DDX39A: variants seen among roughly 807,000 people sequenced by gnomAD.
The protein encoded by DDX39A is DExD-box helicase 39A, also known as ATP-dependent RNA helicase DDX39A.
A neutral mutation model predicts 46.3 loss-of-function variants in DDX39A; 13 were observed. The ratio of observed to expected loss-of-function variants is 0.28; its 90% CI spans 0.18 to 0.45. The LOEUF is 0.45. Ranked by LOEUF, DDX39A falls within the 20% of genes least tolerant of loss-of-function variation. The pLI is 1.00. For missense variants in DDX39A, 352 were observed against 581.8 expected (o/e 0.61, Z 4.06); for synonymous variants, 234 against 224.6 (o/e 1.04, Z -0.38).
At position 14,413,147 on chromosome 19, in the gene DDX39A, C is replaced by T; in HGVS notation, c.74G>A (p.Ser25Asn). Residue 25 changes from serine (S) to asparagine (N), a missense_variant, in exon 2 of 11, where the codon AGC (serine) becomes AAC (asparagine). Coordinates refer to ENST00000242776, the MANE Select transcript of DDX39A (RefSeq NM_005804.4). Reference sequence around the variant, plus strand: ...GTCTTTCTTAGGGGGAGCTGGTGTGCTCTCTTGAGGAGCCTGGGGCTCTTC... The same window carrying T: ...GTCTTTCTTAGGGGGAGCTGGTGTGTTCTCTTGAGGAGCCTGGGGCTCTTC... ...EEEEPQAPQE[S>N]TPAPPKKDIK... The T allele has an allele frequency of 6.2e-7, 1 of 1,614,110 alleles. No homozygotes were observed. The highest frequency in any genetic ancestry group is 8.5e-7 in the Non-Finnish European group (1 of 1,179,994).
Position 14,409,948 on chromosome 19 carries a change from G to GGGC in DDX39A, c.733-78_733-76dup. ...TCTCGCCTGCCCAGAACCTTCCAGTGGGCGACTCCTTTGTGCGACACTTCC... is the reference window on the plus strand; with the variant it reads ...TCTCGCCTGCCCAGAACCTTCCAGTGGGCGGCGACTCCTTTGTGCGACACTTCC... On this transcript the variant is annotated intron_variant, in intron 6 of 10. Transcript: ENST00000242776. The surrounding 1 kb of genome is among the most constrained non-coding windows in gnomAD (Gnocchi z 8.3). 6.4e-7 allele frequency: 1 copy of GGGC among 1,570,568 alleles called. No homozygotes were observed. The highest frequency in any genetic ancestry group is 8.7e-7 in the Non-Finnish European group (1 of 1,147,670).
Position 14,411,006 on chromosome 19 carries a change from T to C in DDX39A, c.596A>G (p.Lys199Arg), listed in dbSNP as rs745797080. The change falls in exon 5 of 11, where the codon AAG becomes AGG. Residue 199 changes from lysine to arginine, a missense_variant. Lys to Arg is a conservative substitution (Grantham distance 26). Around this residue, in one of 3 missense-constraint regions of DDX39A, gnomAD observed 301 missense variants for 469.9 expected, o/e 0.64. Transcript: ENST00000242776. This position sits in a 1 kb window ranked among gnomAD's most constrained non-coding sequence, Gnocchi z 4.1. ...VKHFVLDECDKMLEQLDMRRD... is the reference protein window; with the variant it reads ...VKHFVLDECDRMLEQLDMRRD... The stretch of plus-strand genomic sequence containing the variant: ...GGACTCACCCAGCTGCTCCAGCATC[T>C]TGTCACACTCGTCCAGCACAAAGTG... The C allele has an allele frequency of 2.5e-6, 4 of 1,582,996 alleles. No individual in the cohort carries two copies. Among genetic ancestry groups the C allele is most frequent in the South Asian group, 2.3e-5 (2 of 87,974 alleles).
chr19:14,414,325 T>TTTATTATTA lies in DDX39A; in HGVS notation c.-4-1110_-4-1102dup, dbSNP rs376558858. 7.3e-3 allele frequency among the ~76,000 whole-genome samples: 973 copies of TTTATTATTA among 133,508 alleles called. 12 individuals carry two copies. Among genetic ancestry groups the TTTATTATTA allele is most frequent in the Middle Eastern group, 0.015 (4 of 264 alleles). 87.6% of individuals were successfully genotyped at this position (133,508 alleles called of 152,430 possible). A position where few individuals can be genotyped will look rare whatever the true frequency, so the allele number is the denominator to read the frequency against. ...CTGGCCCCAAGCTGCTATCACCTGT[T>TTTATTATTA]TTATTATTATTATTATTATTATTAT... On this transcript the variant is annotated intron_variant, in intron 1 of 10. Coordinates refer to ENST00000242776, the MANE Select transcript of DDX39A (RefSeq NM_005804.4).
Position 14,411,065 on chromosome 19 carries a change from C to T in DDX39A, c.537G>A (p.Val179=). Residue 179 remains valine, a synonymous_variant, in exon 5 of 11, where the codon GTG becomes GTA. Coordinates refer to ENST00000242776, the MANE Select transcript of DDX39A (RefSeq NM_005804.4). The surrounding 1 kb of genome is among the most constrained non-coding windows in gnomAD (Gnocchi z 4.1). Reference sequence around the variant, plus strand: ...TCTTTAGGCTGAAGCTCCTATTCCGCACGAGCGCCAGGATGCGGCCCGGGG... The same window carrying T: ...TCTTTAGGCTGAAGCTCCTATTCCGTACGAGCGCCAGGATGCGGCCCGGGG... ...VGTPGRILAL[V]RNRSFSLKNV... 6.2e-7 allele frequency: 1 copy of T among 1,612,970 alleles called. No individual in the cohort carries two copies. The highest frequency in any genetic ancestry group is 8.5e-7 in the Non-Finnish European group (1 of 1,179,510).
In DDX39A at chr19:14,413,139, C is replaced by T. The variant is rs11545011; in HGVS notation, c.82G>A (p.Ala28Thr). 6.2e-7 allele frequency: 1 copy of T among 1,614,128 alleles called. No individual in the cohort carries two copies. The highest frequency in any genetic ancestry group is 8.5e-7 in the Non-Finnish European group (1 of 1,180,006). ...CCCTTGATGTCTTTCTTAGGGGGAG[C>T]TGGTGTGCTCTCTTGAGGAGCCTGG... ...EPQAPQESTP[A>T]PPKKDIKGSY... Residue 28 changes from alanine to threonine, a missense_variant, in exon 2 of 11, where the codon GCT becomes ACT. This residue lies in a region of DDX39A where 46 missense variants were observed against 78.2 expected (regional missense o/e 0.59). Transcript: ENST00000242776.
chr19:14,417,958 C>A (rs1976878967), intron 1 of DDX39A, among the ~76,000 whole-genome samples: 1 of 151,862 alleles, frequency 6.6e-6, no homozygotes, highest in South Asian at 2.1e-4. Flanking sequence ...CACTTGAAGT[C>A]GGGAATTAGA....
At chr19:14,414,504 C>T (rs1386203165) in intron 1 of DDX39A, among the ~76,000 whole-genome samples, 1 of 149,988 alleles carries the variant, frequency 6.7e-6, no homozygotes, top group African/African-American at 2.4e-5. Context: ...GTGCTTGCCA[C>T]CATGCCCAGC....
chr19:14,418,833 A>C (rs1381353299), intron 1 of DDX39A: 3 of 440,930 alleles, frequency 6.8e-6, no homozygotes, highest in Non-Finnish European at 1.4e-5. Flanking sequence ...AGAAGAAGGT[A>C]GACTGGGAAA....
rs1976542663 is a variant in DDX39A, at chr19:14,410,577, G to A, written c.614-243C>T. ...TGGCGCGGAGCAGCCGTGCCCGTGCGCCTCGAGCCACGCTTCAGGGAGGGG... is the reference window on the plus strand; with the variant it reads ...TGGCGCGGAGCAGCCGTGCCCGTGCACCTCGAGCCACGCTTCAGGGAGGGG... On this transcript the variant is annotated intron_variant, in intron 5 of 10. Transcript: ENST00000242776. This position sits in a 1 kb window ranked among gnomAD's most constrained non-coding sequence, Gnocchi z 4.3. 3.7e-6 allele frequency: 2 copies of A among 545,304 alleles called. No homozygotes were observed. The highest frequency in any genetic ancestry group is 2.0e-5 in the South Asian group (1 of 49,748). The allele number at this position is 545,304 out of a possible 1,614,324, so 33.8% of individuals were successfully genotyped here.
At chr19:14,417,428 C>G (rs1216774460) in intron 1 of DDX39A, among the ~76,000 whole-genome samples, 2 of 137,474 alleles carry the variant, frequency 1.5e-5, no homozygotes, top group East Asian at 2.2e-4. Context: ...CGAGACCAAC[C>G]TGGACAATAA....
At position 14,411,256 on chromosome 19, in the gene DDX39A, G is replaced by A; in HGVS notation, c.430-84C>T. 6.9e-7 allele frequency: 1 copy of A among 1,459,802 alleles called. No individual in the cohort carries two copies. The highest frequency in any genetic ancestry group is 9.2e-7 in the Non-Finnish European group (1 of 1,090,124). 90.4% of individuals were successfully genotyped at this position (1,459,802 alleles called of 1,614,324 possible). A position where few individuals can be genotyped will look rare whatever the true frequency, so the allele number is the denominator to read the frequency against. ...CACGGCCCAGCACCTGCGAACAGGA[G>A]GCCTCAGGGGACCAAGGCAGGCCTG... On this transcript the variant is annotated intron_variant, in intron 4 of 10. Coordinates refer to ENST00000242776, the MANE Select transcript of DDX39A (RefSeq NM_005804.4). The surrounding 1 kb of genome is among the most constrained non-coding windows in gnomAD (Gnocchi z 4.1).
In DDX39A at chr19:14,412,732, G is replaced by T. The variant is rs779521045; in HGVS notation, c.209-54C>A. 5 of 1,554,762 alleles carry T rather than the reference G, an allele frequency of 3.2e-6. No homozygotes were observed. Among genetic ancestry groups the T allele is most frequent in the Middle Eastern group, 3.4e-4 (2 of 5,862 alleles). ...AGAACCTGGATGCACCCCCGTGCAG[G>T]ATCCTCACCAGTTGACCGGGGGCCC... is the stretch of plus-strand genomic sequence containing the variant. On this transcript the variant is annotated intron_variant, in intron 2 of 10. Coordinates refer to ENST00000242776, the MANE Select transcript of DDX39A (RefSeq NM_005804.4). This position sits in a 1 kb window ranked among gnomAD's most constrained non-coding sequence, Gnocchi z 4.4.
At position 14,410,808 on chromosome 19, in the gene DDX39A, T is replaced by G. The variant is rs1290743118; in HGVS notation, c.613+181A>C. 13 of 595,160 alleles carry G rather than the reference T, an allele frequency of 2.2e-5. No individual in the cohort carries two copies. The highest frequency in any genetic ancestry group is 3.7e-5 in the African/African-American group (2 of 53,494). The allele number at this position is 595,160 out of a possible 1,614,324, so 36.9% of individuals were successfully genotyped here. On this transcript the variant is annotated intron_variant, in intron 5 of 10. Coordinates refer to ENST00000242776, the MANE Select transcript of DDX39A (RefSeq NM_005804.4). The surrounding 1 kb of genome is among the most constrained non-coding windows in gnomAD (Gnocchi z 4.3). Reference sequence around the variant, plus strand: ...ACGGGGGCTTGCTTGGGCCCCGTGGTCCCATTCGGCTCGGGCTCAGAAACA... The same window carrying G: ...ACGGGGGCTTGCTTGGGCCCCGTGGGCCCATTCGGCTCGGGCTCAGAAACA...
chr19:14,414,146 C>T (rs868418542), intron 1 of DDX39A: 1 of 151,932 alleles, frequency 6.6e-6, no homozygotes, highest in African/African-American at 2.4e-5. Context: ...TGCTGAGGAT[C>T]CTAGGCCACT....
rs751375748 is a variant in DDX39A at position 14,412,409 on chromosome 19, G to T, written c.336+142C>A. On this transcript the variant is annotated intron_variant, in intron 3 of 10. Coordinates refer to ENST00000242776, the MANE Select transcript of DDX39A (RefSeq NM_005804.4). The surrounding 1 kb of genome is among the most constrained non-coding windows in gnomAD (Gnocchi z 4.4). ...AGTGGTGTGATCATAGCACACTGCA[G>T]CCTCGACTTCCTGGGCTCAAGCAAT... 7.7e-5 allele frequency: 91 copies of T among 1,181,802 alleles called. No homozygotes were observed. The highest frequency in any genetic ancestry group is 9.9e-5 in the Non-Finnish European group (84 of 845,530). 73.2% of individuals were successfully genotyped at this position (1,181,802 alleles called of 1,614,324 possible).
At position 14,409,725 on chromosome 19, in the gene DDX39A, G is replaced by C. The variant is rs769646984; in HGVS notation, c.864+17C>G. 6.2e-7 allele frequency: 1 copy of C among 1,614,026 alleles called. No individual in the cohort carries two copies. Among genetic ancestry groups the C allele is most frequent in the East Asian group, 2.2e-5 (1 of 44,886 alleles). ...CCGAAGGTCCTGAGCCCCAGGACAG[G>C]CTGATGGAAGTATCACCTGGTTAAA... On this transcript the variant is annotated intron_variant, in intron 7 of 10. Coordinates refer to ENST00000242776, the MANE Select transcript of DDX39A (RefSeq NM_005804.4). The surrounding 1 kb of genome is among the most constrained non-coding windows in gnomAD (Gnocchi z 8.3).
chr19:14,410,257 T>C lies in DDX39A; in HGVS notation c.691A>G (p.Ser231Gly). The change falls in exon 6 of 11, where the codon AGC becomes GGC. Residue 231 changes from serine to glycine, a missense_variant. Ser to Gly is a moderately conservative substitution (Grantham distance 56, BLOSUM62 0). Around this residue, in one of 3 missense-constraint regions of DDX39A, gnomAD observed 301 missense variants for 469.9 expected, o/e 0.64. Coordinates refer to ENST00000242776, the MANE Select transcript of DDX39A (RefSeq NM_005804.4). The surrounding 1 kb of genome is among the most constrained non-coding windows in gnomAD (Gnocchi z 4.3). ...CTGCACACAGGCCGGATGTCCTTGC[T>C]CAGGGTGGCGCTGAACATCATGCAC... is the stretch of plus-strand genomic sequence containing the variant. ...KQCMMFSATLSKDIRPVCRKF... is the reference protein window; with the variant it reads ...KQCMMFSATLGKDIRPVCRKF... 6.2e-7 allele frequency: 1 copy of C among 1,614,076 alleles called. No homozygotes were observed. The highest frequency in any genetic ancestry group is 1.1e-5 in the South Asian group (1 of 91,074).
chr19:14,409,196 C>T lies in DDX39A; in HGVS notation c.1120-12G>A, dbSNP rs768030683. ...CCCGCCCGGGCCACCTGCAGGCAGA[C>T]AGGATCAGGGTCAGGCCACAGATAC... On this transcript the variant is annotated splice_polypyrimidine_tract_variant and intron_variant, in intron 9 of 10. Coordinates refer to ENST00000242776, the MANE Select transcript of DDX39A (RefSeq NM_005804.4). This position sits in a 1 kb window ranked among gnomAD's most constrained non-coding sequence, Gnocchi z 8.3. The T allele has an allele frequency of 2.5e-6, 4 of 1,614,140 alleles. No homozygotes were observed. In the South Asian group the frequency reaches 3.3e-5, roughly 13 times the overall value.
At position 14,410,966 on chromosome 19, in the gene DDX39A, G is replaced by T; in HGVS notation, c.613+23C>A. 6.6e-7 allele frequency: 1 copy of T among 1,526,510 alleles called. No individual in the cohort carries two copies. Among genetic ancestry groups the T allele is most frequent in the Non-Finnish European group, 8.8e-7 (1 of 1,133,000 alleles). 94.6% of individuals were successfully genotyped at this position (1,526,510 alleles called of 1,614,324 possible). On this transcript the variant is annotated intron_variant, in intron 5 of 10. Transcript: ENST00000242776. The surrounding 1 kb of genome is among the most constrained non-coding windows in gnomAD (Gnocchi z 4.3). ...CGCCTAGTCACTGACTCTCAGCTGG[G>T]GCTGCAAGGGCAGAGGACTCACCCA... is the stretch of plus-strand genomic sequence containing the variant.
Sources: gnomAD v4.1 joint callset for allele counts (sites outside exome capture counted in the v4.1 genomes callset) on GRCh38, gnomAD v4.1.1 for gene constraint, gnomAD v4.1.1 regional missense constraint, Gnocchi (gnomAD v3.1) non-coding constraint, MANE v1.5 for transcripts, NCBI Gene and HGNC (gene_info 2026-07-23, HGNC 2026-07-21) for gene names.